The following GABRG1 variants were observed in gnomAD, a reference collection of about 807,000 sequenced individuals.
GABRG1 encodes gamma-aminobutyric acid type A receptor subunit gamma1.
A neutral mutation model predicts 49.8 loss-of-function variants in GABRG1; 49 were observed. That is an observed-to-expected ratio of 0.98 (90% confidence interval 0.78 to 1.25). The LOEUF is 1.25. GABRG1 is among the 50% of genes most tolerant of loss of function. GABRG1 has a pLI of 0.00. For missense variants in GABRG1, 552 were observed against 552.3 expected, an observed-to-expected ratio of 1.00 and a Z score of 0.01; for synonymous variants, 232 against 185.1, an observed-to-expected ratio of 1.25 and a Z score of -2.06.
chr4:46,050,368 G>T (rs1253975239), intron 8 of GABRG1, among the ~76,000 whole-genome samples: 1 of 151,724 alleles, frequency 6.6e-6, no homozygotes, highest in Non-Finnish European at 1.5e-5. Context: ...TAACTTAAAA[G>T]TATAGCAGAG....
intron 5 of GABRG1, among the ~76,000 whole-genome samples, chr4:46,059,038 A>T (rs1326708582): frequency 6.6e-6 from 1 of 152,124 alleles, no homozygotes; most frequent in Non-Finnish European, 1.5e-5. Context: ...TACTTAAGGC[A>T]TTCTTTGGCA....
At chr4:46,065,086 T>A (rs558024610) in intron 4 of GABRG1, among the ~76,000 whole-genome samples, 1 of 152,274 alleles carries the variant, frequency 6.6e-6, no homozygotes, top group South Asian at 2.1e-4. Flanking sequence ...TTATTTGCAC[T>A]GCAGGTTAAG....
intron 2 of GABRG1, among the ~76,000 whole-genome samples, chr4:46,089,581 G>A (rs1480363802): frequency 1.3e-5 from 2 of 151,984 alleles, no homozygotes; most frequent in African/African-American, 2.4e-5. Flanking sequence ...CTTTTAATCT[G>A]GATATTAAAT....
intron 1 of GABRG1, among the ~76,000 whole-genome samples, chr4:46,098,854 G>A (rs1006948474): frequency 2.0e-5 from 3 of 151,530 alleles, no homozygotes; most frequent in Non-Finnish European, 4.4e-5. Flanking sequence ...ATGGTTGGGG[G>A]GTTGGGGCAC....
chr4:46,041,371 C>A (rs1427284237), intron 8 of GABRG1, 117 bp from the exon 9 acceptor site: 2 of 856,604 alleles, frequency 2.3e-6, no homozygotes, highest in Non-Finnish European at 3.4e-6. Context: ...ATCTTGATTT[C>A]AAAAAATCAA....
intron 3 of GABRG1, among the ~76,000 whole-genome samples, chr4:46,076,854 C>G (rs556433405): frequency 1.3e-4 from 20 of 151,764 alleles, no homozygotes; most frequent in South Asian, 8.3e-4. Context: ...TCAAAATATT[C>G]ACTTTCAATA....
intron 8 of GABRG1, among the ~76,000 whole-genome samples, chr4:46,046,784 A>T (rs1285255147): frequency 6.6e-6 from 1 of 152,062 alleles, no homozygotes; most frequent in Admixed American, 6.6e-5. Context: ...TAGTCTCCAA[A>T]TTTATCTCCC....
chr4:46,043,981 T>C (rs2109392556), intron 8 of GABRG1, among the ~76,000 whole-genome samples: 1 of 152,126 alleles, frequency 6.6e-6, no homozygotes, highest in East Asian at 1.9e-4. Flanking sequence ...GCTAAAATTA[T>C]TAAATATTAG....
intron 5 of GABRG1, among the ~76,000 whole-genome samples, chr4:46,061,798 A>T (rs1312336010): frequency 6.8e-6 from 1 of 147,126 alleles, no homozygotes; most frequent in Non-Finnish European, 1.5e-5. Flanking sequence ...TAGAAATAGC[A>T]TAAGTTACCA....
intron 8 of GABRG1, among the ~76,000 whole-genome samples, chr4:46,042,803 C>T (rs543939818): frequency 6.6e-6 from 1 of 152,012 alleles, no homozygotes; most frequent in South Asian, 2.1e-4. Flanking sequence ...ATGCAGGTCA[C>T]AATATTCATA....
chr4:46,076,390 T>C (rs1674532349), intron 3 of GABRG1, among the ~76,000 whole-genome samples: 1 of 139,238 alleles, frequency 7.2e-6, no homozygotes, highest in African/African-American at 2.6e-5. Flanking sequence ...TATATATATA[T>C]ATATATATAT....
chr4:46,095,619 A>T (rs1320605148), intron 2 of GABRG1, among the ~76,000 whole-genome samples: 1 of 151,840 alleles, frequency 6.6e-6, no homozygotes, highest in Non-Finnish European at 1.5e-5. Flanking sequence ...GCAAGTTACC[A>T]GTGCAATTAG....
At chr4:46,094,617 G>A (rs1720108395) in intron 2 of GABRG1, among the ~76,000 whole-genome samples, 1 of 151,984 alleles carries the variant, frequency 6.6e-6, no homozygotes, top group African/African-American at 2.4e-5. Context: ...AAAAACAGAA[G>A]TGAGGTTAGG....
intron 7 of GABRG1, among the ~76,000 whole-genome samples, chr4:46,056,150 TTAAAAAAA>T (rs1215341407): frequency 1.1e-4 from 5 of 46,068 alleles, no homozygotes; most frequent in East Asian, 9.5e-4. Flanking sequence ...AATAAATAAA[TTAAAAAAA>T]AAAAAAAAAA....
chr4:46,050,907 T>C (rs1377892941), intron 8 of GABRG1, among the ~76,000 whole-genome samples: 1 of 151,924 alleles, frequency 6.6e-6, no homozygotes, highest in Non-Finnish European at 1.5e-5. Flanking sequence ...ATGAGTATAT[T>C]AGATTCAGGA....
At chr4:46,096,653 G>T (rs909375199) in intron 2 of GABRG1, among the ~76,000 whole-genome samples, 1 of 151,458 alleles carries the variant, frequency 6.6e-6, no homozygotes, top group African/African-American at 2.4e-5. Flanking sequence ...GATGTGTAGG[G>T]AAAGAAAGAA....
chr4:46,050,679 A>T (rs953585652), intron 8 of GABRG1, among the ~76,000 whole-genome samples: 1 of 151,840 alleles, frequency 6.6e-6, no homozygotes, highest in African/African-American at 2.4e-5. Flanking sequence ...CTCTGGCACC[A>T]AAAAGGATCC....
intron 2 of GABRG1, among the ~76,000 whole-genome samples, chr4:46,094,896 C>A (rs2109429966): frequency 6.6e-6 from 1 of 151,840 alleles, no homozygotes; most frequent in African/African-American, 2.4e-5. Flanking sequence ...AGATCCAATA[C>A]AAATCAATTG....
At chr4:46,075,026 C>T (rs959971699) in intron 3 of GABRG1, among the ~76,000 whole-genome samples, 10 of 151,750 alleles carry the variant, frequency 6.6e-5, no homozygotes, top group African/African-American at 2.4e-4. Flanking sequence ...TATTTCCCAG[C>T]TCTAAGACTC....
Sources: gnomAD v4.1 joint callset for allele counts (sites outside exome capture counted in the v4.1 genomes callset) on GRCh38, gnomAD v4.1.1 for gene constraint, MANE v1.5 for transcripts, NCBI Gene and HGNC (gene_info 2026-07-23, HGNC 2026-07-21) for gene names.